Variants in ITPR1 observed in about 807,000 individuals in gnomAD.
ITPR1 encodes inositol 1,4,5-trisphosphate-gated calcium channel ITPR1.
A neutral mutation model predicts 318.4 loss-of-function variants in ITPR1; 96 were observed. That is an observed-to-expected ratio of 0.30 (90% CI 0.26 to 0.36). The LOEUF (loss-of-function observed/expected upper bound fraction) is 0.36, where lower values mean the gene tolerates loss of function less well. ITPR1 is among the 10% of genes least tolerant of loss of function. The pLI is 1.00. For missense variants in ITPR1, 2,440 were observed against 3,460.2 expected (o/e 0.71, Z 7.40); for synonymous variants, 1,312 against 1,289.9 (o/e 1.02, Z -0.37).
At chr3:4,845,400 C>T (rs922122954) in intron 61 of ITPR1, among the ~76,000 whole-genome samples, 2 of 152,080 alleles carry the variant, frequency 1.3e-5, no homozygotes, top group African/African-American at 4.8e-5. Flanking sequence ...GTCTAGAGAC[C>T]CATCAACATG....
intron 44 of ITPR1, among the ~76,000 whole-genome samples, chr3:4,754,788 G>C (rs1234755043): frequency 2.0e-5 from 3 of 152,146 alleles, no homozygotes; most frequent in Admixed American, 2.0e-4. Context: ...TCCTACCACA[G>C]TCCCCTTCCA....
chr3:4,512,977 T>C (rs1231874568), intron 2 of ITPR1, among the ~76,000 whole-genome samples: 2 of 152,192 alleles, frequency 1.3e-5, no homozygotes, highest in East Asian at 3.9e-4. Context: ...TGTCTGTAAG[T>C]GTTTGAAGTT....
At chr3:4,558,946 A>G (rs1012211223) in intron 4 of ITPR1, among the ~76,000 whole-genome samples, 3 of 152,292 alleles carry the variant, frequency 2.0e-5, no homozygotes, top group African/African-American at 7.2e-5. Flanking sequence ...CAATACCATT[A>G]TCATACCTAA....
At chr3:4,558,710 G>GGA (rs1346183712) in intron 4 of ITPR1, among the ~76,000 whole-genome samples, 1 of 152,116 alleles carries the variant, frequency 6.6e-6, no homozygotes, top group Non-Finnish European at 1.5e-5. Context: ...GAGGCATTTG[G>GGA]GAAAAGGAGC....
intron 39 of ITPR1, among the ~76,000 whole-genome samples, chr3:4,712,827 T>G (rs1430259264): frequency 6.6e-6 from 1 of 152,252 alleles, no homozygotes; most frequent in Non-Finnish European, 1.5e-5. Flanking sequence ...ATTTTGCAGT[T>G]TCTTAGTTTA....
chr3:4,837,179 A>G (rs575865608), intron 61 of ITPR1, among the ~76,000 whole-genome samples: 1 of 152,156 alleles, frequency 6.6e-6, no homozygotes, highest in East Asian at 1.9e-4. Context: ...TTTTAATATG[A>G]AAAACAAAAC....
rs181547323 is a variant in ITPR1 at position 4,754,717 on chromosome 3, A to C, written c.5545-11813A>C. Among the ~76,000 whole-genome samples the C allele has an allele frequency of 2.0e-5, 3 of 152,344 alleles. No homozygotes were observed. The East Asian group carries it at 5.8e-4, about 29-fold the overall frequency. ...TTAGAGTACCTTTTTAATAAGCCTC[A>C]TATTGGCTTGAAGAGCCACCAGAAC... On this transcript the variant is annotated intron_variant, in intron 44 of 61. Coordinates refer to ENST00000649015, the MANE Select transcript of ITPR1 (RefSeq NM_001378452.1).
chr3:4,827,633 G>A (rs1365137361), intron 60 of ITPR1, among the ~76,000 whole-genome samples: 1 of 152,166 alleles, frequency 6.6e-6, no homozygotes, highest in East Asian at 1.9e-4. Context: ...ATAAAATGAG[G>A]AAGTTGAATC....
At chr3:4,695,502 C>A (rs1396035095) in intron 33 of ITPR1, among the ~76,000 whole-genome samples, 1 of 152,108 alleles carries the variant, frequency 6.6e-6, no homozygotes, top group Non-Finnish European at 1.5e-5. Context: ...TAACTGCCAC[C>A]CAGGTCAAGA....
intron 44 of ITPR1, chr3:4,735,726 C>CA (rs5846333): frequency 1 from 202,294 of 202,398 alleles, 101,097 homozygotes; most frequent in East Asian, 1. Flanking sequence ...ACAAGATGAC[C>CA]AAAGAGTTTG....
rs2084101985 is a variant in ITPR1, at chr3:4,538,620, A to G, written c.163+17526A>G. Among the ~76,000 whole-genome samples, 5 of 152,218 alleles carry G rather than the reference A, an allele frequency of 3.3e-5. No individual in the cohort carries two copies. The South Asian group carries it at 1.0e-3, about 32-fold the overall frequency. ...ATGTATGTTCATTGCAGCACTATTCACAATAGCAAAGGCGTGGAATCAACC... is the reference window on the plus strand; with the variant it reads ...ATGTATGTTCATTGCAGCACTATTCGCAATAGCAAAGGCGTGGAATCAACC... On this transcript the variant is annotated intron_variant, in intron 4 of 61. Coordinates refer to ENST00000649015, the MANE Select transcript of ITPR1 (RefSeq NM_001378452.1).
At chr3:4,783,094 A>C (rs989835382) in intron 50 of ITPR1, among the ~76,000 whole-genome samples, 26 of 152,238 alleles carry the variant, frequency 1.7e-4, no homozygotes, top group African/African-American at 6.3e-4. Flanking sequence ...AATCCAAAGA[A>C]ATAAACTTCA....
intron 44 of ITPR1, among the ~76,000 whole-genome samples, chr3:4,764,269 A>G (rs2045658459): frequency 6.6e-6 from 1 of 152,244 alleles, no homozygotes; most frequent in African/African-American, 2.4e-5. Flanking sequence ...ATTTTCTAGA[A>G]TTCATTTATT....
At chr3:4,706,403 C>G (rs2094758180) in intron 37 of ITPR1, 52 bp downstream of exon 37, 3 of 1,488,938 alleles carry the variant, frequency 2.0e-6, no homozygotes, top group Non-Finnish European at 2.7e-6. Flanking sequence ...CACGTGATTG[C>G]CACACACAGC....
intron 39 of ITPR1, among the ~76,000 whole-genome samples, chr3:4,712,188 A>C (rs891432236): frequency 6.6e-6 from 1 of 152,218 alleles, no homozygotes; most frequent in Admixed American, 6.5e-5. Flanking sequence ...TTTGTATCAA[A>C]GTATGCGTTT....
intron 24 of ITPR1, among the ~76,000 whole-genome samples, chr3:4,677,521 G>A (rs1356303893): frequency 1.3e-5 from 2 of 152,176 alleles, no homozygotes; most frequent in African/African-American, 4.8e-5. Context: ...GGGTATCTGA[G>A]GCAGAGGGAG....
At chr3:4,696,755 T>C (rs923062195) in intron 33 of ITPR1, among the ~76,000 whole-genome samples, 7 of 148,188 alleles carry the variant, frequency 4.7e-5, no homozygotes, top group African/African-American at 1.7e-4. Context: ...TCTCTGGGGG[T>C]ATCTATCATA....
intron 4 of ITPR1, among the ~76,000 whole-genome samples, chr3:4,612,959 T>C (rs1482006641): frequency 6.6e-6 from 1 of 152,194 alleles, no homozygotes; most frequent in Non-Finnish European, 1.5e-5. Flanking sequence ...ATCCCAAATA[T>C]CAGAGACAGA....
intron 4 of ITPR1, among the ~76,000 whole-genome samples, chr3:4,619,072 G>A (rs182221663): frequency 1.3e-5 from 2 of 152,312 alleles, no homozygotes; most frequent in Non-Finnish European, 2.9e-5. Context: ...TTTAGTCAGT[G>A]TTTTTAAGAT....
Sources: allele counts gnomAD v4.1 joint callset (sites outside exome capture counted in the v4.1 genomes callset), GRCh38; gene constraint gnomAD v4.1.1; transcripts MANE v1.5; gene names NCBI Gene and HGNC (gene_info 2026-07-23, HGNC 2026-07-21).